DSCAM: variants seen among roughly 807,000 people sequenced by gnomAD.
The protein encoded by DSCAM is DS cell adhesion molecule.
A neutral mutation model predicts 217.7 loss-of-function variants in DSCAM; 47 were observed. That is an observed-to-expected ratio of 0.22 (90% CI 0.17 to 0.28). The LOEUF (loss-of-function observed/expected upper bound fraction) is 0.28. DSCAM is among the 10% of genes least tolerant of loss of function. DSCAM has a pLI of 1.00. For synonymous variants in DSCAM, 1,056 were observed against 1,015.3 expected (o/e 1.04, Z -0.76); for missense variants, 2,080 against 2,618.3 (o/e 0.79, Z 4.49).
chr21:40,152,538 C>T (rs749725676), intron 16 of DSCAM, among the ~76,000 whole-genome samples: 8 of 152,132 alleles, frequency 5.3e-5, no homozygotes, highest in Non-Finnish European at 8.8e-5. Flanking sequence ...CTGTAGTCCT[C>T]CTCAACAGCC....
chr21:40,322,085 T>C (rs2074265847), intron 8 of DSCAM, among the ~76,000 whole-genome samples: 1 of 152,220 alleles, frequency 6.6e-6, no homozygotes, highest in Non-Finnish European at 1.5e-5. Flanking sequence ...AAACACATAC[T>C]GCATATTTCT....
intron 32 of DSCAM, among the ~76,000 whole-genome samples, chr21:40,029,031 G>T (rs2146442594): frequency 6.6e-6 from 1 of 152,084 alleles, no homozygotes; most frequent in African/African-American, 2.4e-5. Context: ...GCAAATTATT[G>T]TCTTCTTCCA....
chr21:40,667,185 A>G (rs1329754683), intron 3 of DSCAM, among the ~76,000 whole-genome samples: 1 of 152,162 alleles, frequency 6.6e-6, no homozygotes, highest in Non-Finnish European at 1.5e-5. Flanking sequence ...AAATTCAATA[A>G]AAATAATATC....
At chr21:40,626,056 T>C (rs551761927) in intron 3 of DSCAM, among the ~76,000 whole-genome samples, 12 of 152,232 alleles carry the variant, frequency 7.9e-5, no homozygotes, top group African/African-American at 2.9e-4. Flanking sequence ...AAATGAGAGA[T>C]GTTTATGGAA....
chr21:40,453,893 G>T lies in DSCAM; in HGVS notation c.509-84648C>A, dbSNP rs1463430587. ...CCTTGAATCAGCAAAGGCATCCATT[G>T]TGTGTAAGTACATCGAAGCAGGGGA... On this transcript the variant is annotated intron_variant, in intron 3 of 32. Coordinates refer to ENST00000400454, the MANE Select transcript of DSCAM (RefSeq NM_001389.5). 2.6e-5 allele frequency among the ~76,000 whole-genome samples: 4 copies of T among 152,186 alleles called. No homozygotes were observed. The East Asian group carries it at 7.7e-4, about 29-fold the overall frequency.
rs556879972 is a variant in DSCAM, at chr21:40,622,682, G to A, written c.508+70128C>T. The stretch of plus-strand genomic sequence containing the variant: ...GCACGAGGGGTCTAGTTGGAAAGCT[G>A]GATTGGACAGCTCCTCTGTGCAGCC... On this transcript the variant is annotated intron_variant, in intron 3 of 32. Coordinates refer to ENST00000400454, the MANE Select transcript of DSCAM (RefSeq NM_001389.5). Among the ~76,000 whole-genome samples, 55 of 152,246 alleles carry A rather than the reference G, an allele frequency of 3.6e-4. No homozygotes were observed. The South Asian group carries it at 0.011, about 31-fold the overall frequency.
intron 28 of DSCAM, 139 bp downstream of exon 28, chr21:40,062,730 T>C (rs1387443953): frequency 4.0e-6 from 3 of 741,608 alleles, no homozygotes; most frequent in Non-Finnish European, 6.2e-6. Context: ...TTGGAATGTA[T>C]AGGAAATTAC....
At chr21:40,533,025 G>T (rs76494176) in intron 3 of DSCAM, among the ~76,000 whole-genome samples, 19,293 of 151,864 alleles carry the variant, frequency 0.13, 2,280 homozygotes, top group African/African-American at 0.3. Flanking sequence ...GACAGACGTG[G>T]GTTAAAATAA....
At chr21:40,074,919 C>G in intron 27 of DSCAM, 118 bp downstream of exon 27, 12 of 1,075,810 alleles carry the variant, frequency 1.1e-5, no homozygotes, top group Non-Finnish European at 1.6e-5. Context: ...GTGGAGGGAC[C>G]TGGGTTAAAG....
At chr21:40,512,308 T>C (rs987152119) in intron 3 of DSCAM, among the ~76,000 whole-genome samples, 1 of 152,124 alleles carries the variant, frequency 6.6e-6, no homozygotes, top group Non-Finnish European at 1.5e-5. Flanking sequence ...ACACCTACTC[T>C]GGGAAGTCAC....
intron 3 of DSCAM, among the ~76,000 whole-genome samples, chr21:40,635,001 GTCTC>G (rs1384744489): frequency 1.3e-5 from 2 of 152,146 alleles, no homozygotes; most frequent in Non-Finnish European, 2.9e-5. Context: ...TAGGAATTTT[GTCTC>G]TCTAAAATTT....
At chr21:40,603,071 T>C (rs1408079818) in intron 3 of DSCAM, among the ~76,000 whole-genome samples, 1 of 152,196 alleles carries the variant, frequency 6.6e-6, no homozygotes. Context: ...AGATTTCTGC[T>C]TTGACTTATG....
intron 29 of DSCAM, 97 bp downstream of exon 29, chr21:40,055,628 G>T: frequency 6.9e-6 from 6 of 867,370 alleles, no homozygotes; most frequent in South Asian, 4.5e-5. Context: ...CCTTCAAGAC[G>T]CTCTCCTGTC....
intron 11 of DSCAM, among the ~76,000 whole-genome samples, chr21:40,261,058 T>G (rs1348794450): frequency 6.6e-6 from 1 of 152,204 alleles, no homozygotes; most frequent in East Asian, 1.9e-4. Flanking sequence ...GACAATAGCA[T>G]GAGCATTGTT....
Position 40,846,798 on chromosome 21 carries a change from C to A in DSCAM, c.-137G>T, listed in dbSNP as rs1377660198. The A allele has an allele frequency of 1.4e-5, 3 of 216,472 alleles. No individual in the cohort carries two copies. Among genetic ancestry groups the A allele is most frequent in the Admixed American group, 1.4e-4 (2 of 14,810 alleles). The allele number at this position is 216,472 out of a possible 1,614,324, so 13.4% of individuals were successfully genotyped here. ...CCGCCGCCCGCCGCCGCCGCCGCCG[C>A]TGCCTAGCCGCCCGGGCACGCGGCG... On this transcript the variant is annotated 5_prime_UTR_variant, in exon 1 of 33. Coordinates refer to ENST00000400454, the MANE Select transcript of DSCAM (RefSeq NM_001389.5).
intron 3 of DSCAM, among the ~76,000 whole-genome samples, chr21:40,378,661 G>C (rs1354537008): frequency 2.4e-5 from 3 of 124,036 alleles, no homozygotes; most frequent in Non-Finnish European, 3.2e-5. Context: ...GCGCGATCTC[G>C]GCTCACTGCA....
At chr21:40,256,054 T>C (rs1569026270) in intron 11 of DSCAM, among the ~76,000 whole-genome samples, 1 of 152,250 alleles carries the variant, frequency 6.6e-6, no homozygotes, top group Admixed American at 6.5e-5. Context: ...TAGTTTGTAA[T>C]GGCAACTTGA....
chr21:40,682,392 C>G (rs934040083), intron 3 of DSCAM, among the ~76,000 whole-genome samples: 14 of 151,684 alleles, frequency 9.2e-5, no homozygotes, highest in South Asian at 2.1e-4. Flanking sequence ...CCGAAATATT[C>G]AGAGAGAAGA....
At chr21:40,345,830 A>C (rs940355832) in intron 6 of DSCAM, among the ~76,000 whole-genome samples, 7 of 152,186 alleles carry the variant, frequency 4.6e-5, no homozygotes, top group Admixed American at 1.3e-4. Context: ...AGAGAGAAAA[A>C]AAAAAGTGAA....
Sources: gnomAD v4.1 joint callset for allele counts (sites outside exome capture counted in the v4.1 genomes callset) on GRCh38, gnomAD v4.1.1 for gene constraint, MANE v1.5 for transcripts, NCBI Gene and HGNC (gene_info 2026-07-23, HGNC 2026-07-21) for gene names.